HDAC9: variants seen among roughly 807,000 people sequenced by gnomAD.
HDAC9 encodes histone deacetylase 9, also known as MEF-2 interacting transcription repressor (MITR) protein.
In HDAC9, 41 loss-of-function variants were observed where a neutral mutation model predicts 139.4. The ratio of observed to expected loss-of-function variants is 0.29; its 90% CI spans 0.23 to 0.38. The LOEUF (loss-of-function observed/expected upper bound fraction) is 0.38, where lower values mean the gene tolerates loss of function less well. HDAC9 is among the 10% of genes least tolerant of loss of function. The pLI, the probability that HDAC9 is intolerant of heterozygous loss-of-function variation, is 1.00. For missense variants in HDAC9, 1,147 were observed against 1,297.0 expected (o/e 0.88, Z 1.78); for synonymous variants, 517 against 476.2 (o/e 1.09, Z -1.12).
chr7:18,172,626 G>C (rs1408651940), intron 2 of HDAC9, among the ~76,000 whole-genome samples: 1 of 152,114 alleles, frequency 6.6e-6, no homozygotes, highest in Non-Finnish European at 1.5e-5. Flanking sequence ...CTTTAAATGT[G>C]TCCCAGAGAT....
chr7:18,408,342 A>T (rs1442360393), intron 1 of HDAC9, among the ~76,000 whole-genome samples: 1 of 152,214 alleles, frequency 6.6e-6, no homozygotes, highest in African/African-American at 2.4e-5. Flanking sequence ...TGAATGAATG[A>T]ACAAATTCCT....
chr7:18,774,029 C>A (rs141334200), intron 16 of HDAC9, among the ~76,000 whole-genome samples: 1 of 151,940 alleles, frequency 6.6e-6, no homozygotes, highest in East Asian at 1.9e-4. Flanking sequence ...TAAATTAGCT[C>A]ACTGAATGCT....
chr7:18,696,183 G>C (rs1562859678), intron 12 of HDAC9, among the ~76,000 whole-genome samples: 1 of 151,726 alleles, frequency 6.6e-6, no homozygotes. Flanking sequence ...ATTCCAAAAT[G>C]GTGGCTTCTT....
At chr7:18,758,406 T>TAA (rs1197109069) in intron 14 of HDAC9, among the ~76,000 whole-genome samples, 1 of 152,182 alleles carries the variant, frequency 6.6e-6, no homozygotes, top group Non-Finnish European at 1.5e-5. Flanking sequence ...TATTGACCTT[T>TAA]AACTCAAGAG....
intron 12 of HDAC9, among the ~76,000 whole-genome samples, chr7:18,676,773 C>T (rs1014694671): frequency 3.0e-4 from 45 of 151,696 alleles, no homozygotes; most frequent in African/African-American, 1.1e-3. Context: ...TATATGTTTA[C>T]AGTGGTTAGT....
intron 12 of HDAC9, among the ~76,000 whole-genome samples, chr7:18,711,699 C>CT (rs1429090558): frequency 1.3e-5 from 2 of 152,150 alleles, no homozygotes; most frequent in Non-Finnish European, 2.9e-5. Context: ...CCCTCAATGA[C>CT]TTTTTTGTCA....
intron 22 of HDAC9, among the ~76,000 whole-genome samples, chr7:18,923,019 A>T (rs1461189062): frequency 6.6e-6 from 1 of 152,074 alleles, no homozygotes; most frequent in Admixed American, 6.6e-5. Flanking sequence ...CTTTTGACAC[A>T]TGGTGATAAT....
chr7:18,341,722 TTTGA>T (rs1782029248), intron 1 of HDAC9, among the ~76,000 whole-genome samples: 1 of 151,776 alleles, frequency 6.6e-6, no homozygotes, highest in Non-Finnish European at 1.5e-5. Context: ...TTTGGCCTAT[TTTGA>T]TTGATTAATT....
At position 18,878,445 on chromosome 7, in the gene HDAC9, A is replaced by C. The variant is rs1006525657; in HGVS notation, c.2803+3849A>C. Among the ~76,000 whole-genome samples, 32 of 152,202 alleles carry C rather than the reference A, an allele frequency of 2.1e-4. 1 individual carries two copies. Among genetic ancestry groups the C allele is most frequent in the Admixed American group, 1.0e-3 (16 of 15,270 alleles). On this transcript the variant is annotated intron_variant, in intron 22 of 25. Coordinates refer to ENST00000686413, the MANE Select transcript of HDAC9 (RefSeq NM_178425.4). Reference sequence around the variant, plus strand: ...CATGTGAAATACATTCCTTTAATAAACATTTTATAGTCCTTGAGACAGAAA... The same window carrying C: ...CATGTGAAATACATTCCTTTAATAACCATTTTATAGTCCTTGAGACAGAAA...
chr7:18,324,853 C>T (rs1480618933), intron 1 of HDAC9, among the ~76,000 whole-genome samples: 1 of 152,130 alleles, frequency 6.6e-6, no homozygotes, highest in Non-Finnish European at 1.5e-5. Context: ...TGATAAATGA[C>T]ATGAGACGTC....
intron 12 of HDAC9, chr7:18,667,371 G>A (rs1795129352): frequency 1.0e-6 from 1 of 982,416 alleles, no homozygotes; most frequent in Admixed American, 6.2e-5. Context: ...AAAAGAAGGT[G>A]TATCATATTT....
intron 21 of HDAC9, among the ~76,000 whole-genome samples, chr7:18,858,102 C>T (rs1297782947): frequency 6.6e-6 from 1 of 152,080 alleles, no homozygotes; most frequent in African/African-American, 2.4e-5. Context: ...ATCATGACAG[C>T]AGTGTCGAAA....
intron 6 of HDAC9, among the ~76,000 whole-genome samples, chr7:18,628,217 T>C (rs1562645512): frequency 6.6e-6 from 1 of 152,122 alleles, no homozygotes; most frequent in African/African-American, 2.4e-5. Flanking sequence ...TTTTCAGTAT[T>C]TAGAATAGAC....
At chr7:18,884,784 AG>A (rs1171221386) in intron 22 of HDAC9, among the ~76,000 whole-genome samples, 3 of 152,186 alleles carry the variant, frequency 2.0e-5, no homozygotes, top group Admixed American at 2.0e-4. Context: ...CAGGAAAATA[AG>A]GAAAGAATGC....
chr7:18,443,155 A>G (rs1487141956), intron 1 of HDAC9, among the ~76,000 whole-genome samples: 1 of 152,182 alleles, frequency 6.6e-6, no homozygotes, highest in Non-Finnish European at 1.5e-5. Context: ...GTGAAGACCT[A>G]CTTTGACCTA....
chr7:18,304,974 T>C (rs1798814118), intron 1 of HDAC9, among the ~76,000 whole-genome samples: 1 of 151,500 alleles, frequency 6.6e-6, no homozygotes, highest in African/African-American at 2.4e-5. Context: ...CCTGATTTTA[T>C]TGGAATAGGG....
intron 2 of HDAC9, among the ~76,000 whole-genome samples, chr7:18,534,938 T>A (rs775678584): frequency 5.9e-5 from 9 of 152,184 alleles, no homozygotes; most frequent in Non-Finnish European, 1.3e-4. Context: ...CAATCAGACC[T>A]TAAACCAGTC....
rs1830971997 is a variant in HDAC9, at chr7:18,591,513, CA to C, written c.416-2del. The C allele has an allele frequency of 6.4e-7, 1 of 1,553,504 alleles. No individual in the cohort carries two copies. The highest frequency in any genetic ancestry group is 1.5e-5 in the African/African-American group (1 of 65,406). ...TGTGTGTGTGTGTGTGTGTGTATTT[CA>C]GGGGCAGTGGCAAGTACAGAAGTAA... On this transcript the variant is annotated splice_acceptor_variant, in intron 4 of 25. Coordinates refer to ENST00000686413, the MANE Select transcript of HDAC9 (RefSeq NM_178425.4). LOFTEE classifies it high-confidence loss of function.
chr7:18,603,801 T>A (rs1181512996), intron 6 of HDAC9, among the ~76,000 whole-genome samples: 1 of 152,168 alleles, frequency 6.6e-6, no homozygotes, highest in Non-Finnish European at 1.5e-5. Flanking sequence ...TGAAAAACTT[T>A]TAACATTTCT....
Sources: gnomAD v4.1 joint callset for allele counts (sites outside exome capture counted in the v4.1 genomes callset) on GRCh38, gnomAD v4.1.1 for gene constraint, MANE v1.5 for transcripts, NCBI Gene and HGNC (gene_info 2026-07-23, HGNC 2026-07-21) for gene names.